The following SLC35F3 variants were observed in gnomAD, a reference collection of about 807,000 sequenced individuals.
SLC35F3 encodes solute carrier family 35 member F3, also known as putative thiamine transporter SLC35F3.
Under a neutral mutation model 49.9 loss-of-function variants are expected in SLC35F3, and 25 were observed. That is an observed-to-expected ratio of 0.50 (90% CI 0.37 to 0.70). The LOEUF (loss-of-function observed/expected upper bound fraction) is 0.70, where lower values mean the gene tolerates loss of function less well. SLC35F3 is among the 30% of genes least tolerant of loss of function. The pLI is 0.00. For missense variants in SLC35F3, 525 were observed against 639.8 expected (o/e 0.82, Z 1.94); for synonymous variants, 275 against 265.4 (o/e 1.04, Z -0.35).
chr1:234,015,803 C>T (rs530895847), intron 2 of SLC35F3, among the ~76,000 whole-genome samples: 3 of 152,152 alleles, frequency 2.0e-5, no homozygotes, highest in Admixed American at 1.3e-4. Context: ...AATAAATAAA[C>T]GGGATTACAA....
intron 4 of SLC35F3, among the ~76,000 whole-genome samples, chr1:234,309,884 A>T (rs1657304654): frequency 6.6e-6 from 1 of 152,098 alleles, no homozygotes; most frequent in South Asian, 2.1e-4. Context: ...CTTCCTTCTA[A>T]CCAATGACGA....
chr1:233,942,093 C>T (rs962390209), intron 2 of SLC35F3, among the ~76,000 whole-genome samples: 4 of 151,232 alleles, frequency 2.6e-5, no homozygotes, highest in African/African-American at 4.9e-5. Flanking sequence ...CCCAAGTAGC[C>T]GGGATTACAG....
chr1:234,070,404 A>C (rs1450319459), intron 2 of SLC35F3, among the ~76,000 whole-genome samples: 1 of 152,310 alleles, frequency 6.6e-6, no homozygotes, highest in South Asian at 2.1e-4. Flanking sequence ...GCTTTTAAAT[A>C]ATTTACTTTT....
intron 2 of SLC35F3, among the ~76,000 whole-genome samples, chr1:234,103,048 T>C (rs1046064805): frequency 5.9e-5 from 9 of 152,292 alleles, no homozygotes; most frequent in Middle Eastern, 3.4e-3. Flanking sequence ...AACCATAAAA[T>C]ATGTGTATAA....
At chr1:233,918,075 G>T (rs1020738883) in intron 2 of SLC35F3, among the ~76,000 whole-genome samples, 1 of 152,204 alleles carries the variant, frequency 6.6e-6, no homozygotes, top group Non-Finnish European at 1.5e-5. Context: ...TTCCTGACTT[G>T]CTTGCTTCTG....
intron 2 of SLC35F3, among the ~76,000 whole-genome samples, chr1:234,074,131 G>A (rs910440396): frequency 1.3e-5 from 2 of 151,968 alleles, no homozygotes; most frequent in East Asian, 1.9e-4. Flanking sequence ...CACAGGTGTC[G>A]GGTGTCATCC....
At chr1:233,966,662 C>T (rs1171024041) in intron 2 of SLC35F3, among the ~76,000 whole-genome samples, 3 of 152,186 alleles carry the variant, frequency 2.0e-5, no homozygotes, top group Non-Finnish European at 4.4e-5. Flanking sequence ...GGAAAGCAAC[C>T]TCTGGCACTT....
intron 3 of SLC35F3, among the ~76,000 whole-genome samples, chr1:234,305,783 ATACT>A (rs1268192435): frequency 6.6e-6 from 1 of 152,234 alleles, no homozygotes; most frequent in Non-Finnish European, 1.5e-5. Context: ...GGTTTATGAA[ATACT>A]TAATTAAACC....
At chr1:234,225,132 G>A (rs1667267020) in intron 2 of SLC35F3, among the ~76,000 whole-genome samples, 1 of 152,204 alleles carries the variant, frequency 6.6e-6, no homozygotes, top group Admixed American at 6.5e-5. Context: ...TGGGACGTTT[G>A]GGGCATGTAG....
chr1:234,208,878 G>A (rs1667012247), intron 2 of SLC35F3, among the ~76,000 whole-genome samples: 1 of 152,142 alleles, frequency 6.6e-6, no homozygotes, highest in African/African-American at 2.4e-5. Flanking sequence ...AAGAGAGTGG[G>A]GCTAGTGATA....
chr1:233,947,573 A>T (rs898106288), intron 2 of SLC35F3, among the ~76,000 whole-genome samples: 3 of 151,802 alleles, frequency 2.0e-5, no homozygotes, highest in Non-Finnish European at 4.4e-5. Flanking sequence ...TCAAATGGGT[A>T]CCACTACAGT....
At chr1:234,266,873 G>GTTTTTTTTTTTTTTTTTTTTTT (rs34040004) in intron 3 of SLC35F3, among the ~76,000 whole-genome samples, 13 of 108,648 alleles carry the variant, frequency 1.2e-4, no homozygotes, top group Non-Finnish European at 1.1e-4. Flanking sequence ...GAAGCACATG[G>GTTTTTTTTTTTTTTTTTTTTTT]TTTTTTTTTT....
Position 234,167,663 on chromosome 1 carries a change from C to T in SLC35F3, c.284-63754C>T, listed in dbSNP as rs115014729. On this transcript the variant is annotated intron_variant, in intron 2 of 7. Transcript: ENST00000366618. The stretch of plus-strand genomic sequence containing the variant: ...CACTTTTTGAAGCAGATAGAGCAGC[C>T]GTCACAAACGCCACTTCATAGCAAG... Among the ~76,000 whole-genome samples the T allele has an allele frequency of 5.6e-3, 849 of 152,168 alleles. 6 individuals carry two copies. The highest frequency in any genetic ancestry group is 0.019 in the African/African-American group (793 of 41,514).
intron 2 of SLC35F3, among the ~76,000 whole-genome samples, chr1:234,089,850 AACAG>A (rs112442484): frequency 0.029 from 4,372 of 152,282 alleles, 181 homozygotes; most frequent in African/African-American, 0.092. Flanking sequence ...GAAATAAAGA[AACAG>A]ACAGGGATGC....
At chr1:234,165,633 A>G (rs1666307476) in intron 2 of SLC35F3, among the ~76,000 whole-genome samples, 1 of 151,944 alleles carries the variant, frequency 6.6e-6, no homozygotes, top group African/African-American at 2.4e-5. Flanking sequence ...CCATCCTCCC[A>G]CCTCTGCCTC....
intron 2 of SLC35F3, among the ~76,000 whole-genome samples, chr1:234,162,238 G>A (rs1488071328): frequency 6.6e-6 from 1 of 151,818 alleles, no homozygotes; most frequent in Non-Finnish European, 1.5e-5. Flanking sequence ...ATGGAGTGTG[G>A]GAAGTCTGTG....
intron 2 of SLC35F3, among the ~76,000 whole-genome samples, chr1:233,906,193 G>T (rs1353219195): frequency 3.9e-5 from 6 of 152,166 alleles, no homozygotes; most frequent in African/African-American, 7.2e-5. Flanking sequence ...ACTCTTCCTT[G>T]CATCTCCTAG....
At chr1:234,252,446 C>A (rs1228487331) in intron 3 of SLC35F3, among the ~76,000 whole-genome samples, 2 of 152,094 alleles carry the variant, frequency 1.3e-5, no homozygotes, top group Non-Finnish European at 2.9e-5. Context: ...AACGAAATCA[C>A]CATCAGCAAA....
intron 3 of SLC35F3, among the ~76,000 whole-genome samples, chr1:234,233,167 C>T (rs1667411774): frequency 6.6e-6 from 1 of 152,068 alleles, no homozygotes; most frequent in African/African-American, 2.4e-5. Context: ...TCATTAGCAC[C>T]CAAGATTGTC....
Sources: gnomAD v4.1 joint callset for allele counts (sites outside exome capture counted in the v4.1 genomes callset) on GRCh38, gnomAD v4.1.1 for gene constraint, MANE v1.5 for transcripts, NCBI Gene and HGNC (gene_info 2026-07-23, HGNC 2026-07-21) for gene names.